THSD7B: variants seen among roughly 807,000 people sequenced by gnomAD.
THSD7B encodes the protein thrombospondin type-1 domain-containing protein 7B.
THSD7B carries 138 observed loss-of-function variants against 213.6 expected under a neutral mutation model. The observed-to-expected ratio is 0.65, with a 90% confidence interval of 0.56 to 0.74. The LOEUF is 0.74. Ranked by LOEUF, THSD7B falls within the 30% of genes least tolerant of loss-of-function variation. The probability of loss-of-function intolerance (pLI) is 0.00; values close to 1 mark genes in which losing one functional copy is unlikely to be tolerated. For synonymous variants in THSD7B, 742 were observed against 687.0 expected (o/e 1.08, Z -1.25); for missense variants, 1,931 against 1,991.5 (o/e 0.97, Z 0.58).
At chr2:137,220,807 CCTT>C (rs1681350387) in intron 7 of THSD7B, among the ~76,000 whole-genome samples, 1 of 152,116 alleles carries the variant, frequency 6.6e-6, no homozygotes, top group Admixed American at 6.6e-5. Context: ...ATAAACAAAA[CCTT>C]CTACATCCAT....
chr2:136,970,029 G>A (rs1266613200), intron 2 of THSD7B, among the ~76,000 whole-genome samples: 1 of 152,116 alleles, frequency 6.6e-6, no homozygotes, highest in African/African-American at 2.4e-5. Context: ...ACTTGTGAGA[G>A]AAATAGGAGA....
chr2:137,433,137 C>A (rs1352021018), intron 14 of THSD7B, among the ~76,000 whole-genome samples: 1 of 151,868 alleles, frequency 6.6e-6, no homozygotes, highest in Admixed American at 6.6e-5. Flanking sequence ...TCAAATAGCC[C>A]TAAGTGCAAA....
chr2:137,555,675 G>A (rs758198026), intron 15 of THSD7B, among the ~76,000 whole-genome samples: 5 of 152,048 alleles, frequency 3.3e-5, no homozygotes, highest in Non-Finnish European at 4.4e-5. Context: ...CACCAGCAAC[G>A]GAACAAAGCT....
At chr2:137,022,540 AT>A (rs1417503765) in intron 2 of THSD7B, among the ~76,000 whole-genome samples, 1 of 151,410 alleles carries the variant, frequency 6.6e-6, no homozygotes, top group Non-Finnish European at 1.5e-5. Flanking sequence ...CCACAAAAAA[AT>A]CTTCGTTTTT....
chr2:136,933,634 CT>C (rs558994881), intron 2 of THSD7B, among the ~76,000 whole-genome samples: 148 of 151,892 alleles, frequency 9.7e-4, no homozygotes, highest in Admixed American at 3.7e-3. Flanking sequence ...CTCCAACTGG[CT>C]TTTTTTTATT....
intron 12 of THSD7B, among the ~76,000 whole-genome samples, chr2:137,310,913 T>A (rs1202608766): frequency 6.6e-6 from 1 of 152,048 alleles, no homozygotes; most frequent in Non-Finnish European, 1.5e-5. Context: ...TGTAGCCTTG[T>A]AGTATAGTTT....
intron 20 of THSD7B, among the ~76,000 whole-genome samples, chr2:137,639,237 G>T (rs1682892375): frequency 6.6e-6 from 1 of 152,148 alleles, no homozygotes; most frequent in Admixed American, 6.5e-5. Flanking sequence ...GTGGCTGAAA[G>T]GGGCCAACAT....
chr2:137,341,430 C>A (rs1202427855), intron 12 of THSD7B, among the ~76,000 whole-genome samples: 7 of 151,368 alleles, frequency 4.6e-5, no homozygotes, highest in Admixed American at 4.6e-4. Context: ...TATGTAGAAG[C>A]TTTTTAGTTT....
intron 10 of THSD7B, among the ~76,000 whole-genome samples, chr2:137,254,663 A>G (rs1332409896): frequency 6.6e-6 from 1 of 152,208 alleles, no homozygotes; most frequent in Non-Finnish European, 1.5e-5. Flanking sequence ...GCTCATGTGT[A>G]ACATAGATAT....
chr2:136,934,300 T>C (rs1684682423), intron 2 of THSD7B, among the ~76,000 whole-genome samples: 1 of 152,206 alleles, frequency 6.6e-6, no homozygotes, highest in Non-Finnish European at 1.5e-5. Context: ...ATATTTTTAT[T>C]GAACTCTTTT....
At chr2:136,855,607 TTA>T (rs1683166605) in intron 1 of THSD7B, among the ~76,000 whole-genome samples, 1 of 130,780 alleles carries the variant, frequency 7.6e-6, no homozygotes, top group Non-Finnish European at 1.7e-5. Flanking sequence ...TATTTATTAT[TTA>T]TTTATTTATT....
intron 2 of THSD7B, among the ~76,000 whole-genome samples, chr2:136,973,944 G>C (rs1175177864): frequency 6.6e-6 from 1 of 152,166 alleles, no homozygotes; most frequent in Non-Finnish European, 1.5e-5. Flanking sequence ...TATCTTGAAA[G>C]ATTTTATTCT....
At chr2:137,261,951 G>T (rs1682462282) in intron 10 of THSD7B, among the ~76,000 whole-genome samples, 2 of 150,730 alleles carry the variant, frequency 1.3e-5, no homozygotes, top group Admixed American at 6.6e-5. Flanking sequence ...GATTTTTGTG[G>T]TTGAGCCATA....
chr2:137,477,449 A>G (rs966791015), intron 15 of THSD7B, among the ~76,000 whole-genome samples: 1 of 151,936 alleles, frequency 6.6e-6, no homozygotes, highest in Non-Finnish European at 1.5e-5. Context: ...ATGTTCTTTT[A>G]TCCATTCAGC....
At chr2:137,546,586 C>G (rs1573698975) in intron 15 of THSD7B, among the ~76,000 whole-genome samples, 2 of 133,146 alleles carry the variant, frequency 1.5e-5, no homozygotes, top group Non-Finnish European at 3.2e-5. Flanking sequence ...TTTCCTTTTT[C>G]TTTTGGGGAT....
chr2:136,802,639 T>TTTTATATATA (rs1341477293), intron 1 of THSD7B, among the ~76,000 whole-genome samples: 2 of 57,382 alleles, frequency 3.5e-5, no homozygotes, highest in East Asian at 7.0e-4. Context: ...TGAATTAAGT[T>TTTTATATATA]TATATATATA....
At chr2:137,479,488 G>A (rs1007908539) in intron 15 of THSD7B, 14 of 418,056 alleles carry the variant, frequency 3.3e-5, no homozygotes, top group Non-Finnish European at 5.3e-5. Context: ...GCTCAGGTTG[G>A]AGCAGCAGTT....
intron 5 of THSD7B, among the ~76,000 whole-genome samples, chr2:137,117,733 G>C (rs75954314): frequency 1.3e-5 from 2 of 152,092 alleles, no homozygotes; most frequent in African/African-American, 2.4e-5. Flanking sequence ...TACAATCTTG[G>C]GGGGGAAAAA....
chr2:137,387,838 C>G (rs1188174351), intron 12 of THSD7B, among the ~76,000 whole-genome samples: 1 of 152,100 alleles, frequency 6.6e-6, no homozygotes, highest in Non-Finnish European at 1.5e-5. Flanking sequence ...TCTACTCTTC[C>G]CTTCTATGCC....
Sources: allele counts gnomAD v4.1 joint callset (sites outside exome capture counted in the v4.1 genomes callset), GRCh38; gene constraint gnomAD v4.1.1; transcripts MANE v1.5; gene names NCBI Gene and HGNC (gene_info 2026-07-23, HGNC 2026-07-21).